ZC2HC1A: variants seen among roughly 807,000 people sequenced by gnomAD.
The protein encoded by ZC2HC1A is zinc finger C2HC-type containing 1A, also known as zinc finger C2HC domain-containing protein 1A.
Under a neutral mutation model 40.7 loss-of-function variants are expected in ZC2HC1A, and 28 were observed. The ratio of observed to expected loss-of-function variants is 0.69; its 90% confidence interval spans 0.51 to 0.94. The LOEUF (loss-of-function observed/expected upper bound fraction) is 0.94, where lower values mean the gene tolerates loss of function less well. ZC2HC1A is among the 40% of genes least tolerant of loss of function. ZC2HC1A has a pLI of 0.00. For missense variants in ZC2HC1A, 389 were observed against 386.3 expected (o/e 1.01, Z -0.06); for synonymous variants, 129 against 129.2 (o/e 1.00, Z 0.01).
intron 1 of ZC2HC1A, among the ~76,000 whole-genome samples, chr8:78,674,928 T>A (rs1447234922): frequency 3.9e-5 from 6 of 152,088 alleles, no homozygotes; most frequent in African/African-American, 1.4e-4. Flanking sequence ...CAGCAGAAAC[T>A]ATGGGGAACA....
chr8:78,714,208 C>T (rs985477574), intron 7 of ZC2HC1A, among the ~76,000 whole-genome samples: 1 of 152,124 alleles, frequency 6.6e-6, no homozygotes, highest in Non-Finnish European at 1.5e-5. Flanking sequence ...AACACACTAG[C>T]AGGGTCACCT....
intron 7 of ZC2HC1A, among the ~76,000 whole-genome samples, chr8:78,711,062 G>A (rs1422858491): frequency 6.6e-6 from 1 of 152,064 alleles, no homozygotes; most frequent in South Asian, 2.1e-4. Context: ...ACACATAATA[G>A]ATGCTCATAA....
intron 6 of ZC2HC1A, among the ~76,000 whole-genome samples, chr8:78,698,206 A>G (rs1251704116): frequency 6.6e-6 from 1 of 152,210 alleles, no homozygotes; most frequent in African/African-American, 2.4e-5. Flanking sequence ...CTTTATTTAT[A>G]TATCAATTAT....
chr8:78,690,426 G>A (rs939197316), intron 5 of ZC2HC1A, among the ~76,000 whole-genome samples: 3 of 152,028 alleles, frequency 2.0e-5, no homozygotes, highest in Non-Finnish European at 2.9e-5. Context: ...TGGACGTGGT[G>A]GCGGGCGCCT....
At chr8:78,688,101 TAG>T in intron 4 of ZC2HC1A, among the ~76,000 whole-genome samples, 2 of 151,488 alleles carry the variant, frequency 1.3e-5, no homozygotes, top group Non-Finnish European at 2.9e-5. Context: ...AACCCTGTTC[TAG>T]AGTATTAATA....
rs375835069 is a variant in ZC2HC1A, at chr8:78,698,509, G to T, written c.700G>T (p.Ala234Ser). The change falls in exon 7 of 9, where the codon GCA (alanine) becomes TCA (serine). Residue 234 changes from alanine to serine, a missense_variant. Physicochemically the swap from Ala to Ser is moderately conservative, Grantham distance 99 (BLOSUM62 1). Coordinates refer to ENST00000263849, the MANE Select transcript of ZC2HC1A (RefSeq NM_016010.3). ...TCATAAAGGGATAGCAGCCCCTCATGCAGGGTAAGTCTACACTGGATATAA... is the reference window on the plus strand; with the variant it reads ...TCATAAAGGGATAGCAGCCCCTCATTCAGGGTAAGTCTACACTGGATATAA... ...PSHKGIAAPH[A>S]GANVKPRNST... 1.2e-6 allele frequency: 2 copies of T among 1,603,174 alleles called. No homozygotes were observed. Among genetic ancestry groups the T allele is most frequent in the Non-Finnish European group, 8.5e-7 (1 of 1,172,016 alleles).
chr8:78,687,840 T>C (rs1182353625), intron 4 of ZC2HC1A, among the ~76,000 whole-genome samples: 3 of 13,792 alleles, frequency 2.2e-4, no homozygotes, highest in African/African-American at 3.1e-4. Context: ...TAATAAATTA[T>C]ATATATATTT....
intron 8 of ZC2HC1A, among the ~76,000 whole-genome samples, chr8:78,716,205 C>T (rs1327508258): frequency 1.3e-5 from 2 of 151,560 alleles, no homozygotes; most frequent in Admixed American, 6.6e-5. Flanking sequence ...TCACTGCAAG[C>T]TGTGCCTCCC....
chr8:78,700,397 G>A (rs1219276590), intron 7 of ZC2HC1A, among the ~76,000 whole-genome samples: 1 of 151,810 alleles, frequency 6.6e-6, no homozygotes, highest in Non-Finnish European at 1.5e-5. Flanking sequence ...TATAGATGCT[G>A]GGTATTAGAC....
chr8:78,705,949 G>T (rs1810759724), intron 7 of ZC2HC1A, among the ~76,000 whole-genome samples: 1 of 152,150 alleles, frequency 6.6e-6, no homozygotes, highest in South Asian at 2.1e-4. Flanking sequence ...TACCAGCAGG[G>T]ATGGTTGGAG....
intron 7 of ZC2HC1A, among the ~76,000 whole-genome samples, chr8:78,707,661 C>T (rs1295407601): frequency 6.6e-6 from 1 of 152,118 alleles, no homozygotes; most frequent in Non-Finnish European, 1.5e-5. Flanking sequence ...TCAATCATAC[C>T]TGTTCAAATT....
At chr8:78,680,674 T>C (rs1809747651) in intron 3 of ZC2HC1A, among the ~76,000 whole-genome samples, 1 of 152,274 alleles carries the variant, frequency 6.6e-6, no homozygotes, top group East Asian at 1.9e-4. Flanking sequence ...ATCAAATATA[T>C]GTAAGGATTG....
intron 7 of ZC2HC1A, among the ~76,000 whole-genome samples, chr8:78,713,828 T>C (rs1811019066): frequency 6.6e-6 from 1 of 152,234 alleles, no homozygotes; most frequent in Non-Finnish European, 1.5e-5. Flanking sequence ...ATAATCTCTT[T>C]GAACATGCTT....
chr8:78,686,042 C>T (rs1272997178), intron 3 of ZC2HC1A: 1 of 152,256 alleles, frequency 6.6e-6, no homozygotes, highest in Non-Finnish European at 1.5e-5. Flanking sequence ...CCCTCAATAA[C>T]TAATCTGCTA....
chr8:78,701,708 T>C (rs986971181), intron 7 of ZC2HC1A, among the ~76,000 whole-genome samples: 1 of 152,214 alleles, frequency 6.6e-6, no homozygotes, highest in Non-Finnish European at 1.5e-5. Flanking sequence ...TGAAGGGATG[T>C]TGAATTTTAT....
At chr8:78,686,341 A>G (rs967601980) in intron 3 of ZC2HC1A, 126 bp from the exon 4 acceptor site, 5 of 783,272 alleles carry the variant, frequency 6.4e-6, no homozygotes, top group Non-Finnish European at 8.8e-6. Flanking sequence ...TTTGAGAAGG[A>G]TATCATTTAA....
chr8:78,666,271 C>T, intron 1 of ZC2HC1A, 107 bp downstream of exon 1: 17 of 1,505,056 alleles, frequency 1.1e-5, no homozygotes, highest in Admixed American at 2.0e-5. Flanking sequence ...GTGCGGCGGA[C>T]CTCGCCGCGT....
intron 7 of ZC2HC1A, among the ~76,000 whole-genome samples, chr8:78,711,396 T>C (rs1810945754): frequency 6.6e-6 from 1 of 152,046 alleles, no homozygotes; most frequent in Admixed American, 6.6e-5. Context: ...ATAGGCCCCT[T>C]ACCATTATTA....
intron 2 of ZC2HC1A, 33 bp from the exon 3 acceptor site, chr8:78,678,530 A>C: frequency 6.4e-7 from 1 of 1,551,988 alleles, no homozygotes; most frequent in Non-Finnish European, 8.8e-7. Context: ...TGTAGAAAAG[A>C]AAATGATAGG....
Sources: allele counts gnomAD v4.1 joint callset (sites outside exome capture counted in the v4.1 genomes callset), GRCh38; gene constraint gnomAD v4.1.1; transcripts MANE v1.5; gene names NCBI Gene and HGNC (gene_info 2026-07-23, HGNC 2026-07-21).